Variants in RBFOX1 observed in about 807,000 individuals in gnomAD.
The protein encoded by RBFOX1 is RNA binding protein fox-1 homolog 1.
Under a neutral mutation model 57.7 loss-of-function variants are expected in RBFOX1, and 8 were observed. That is an observed-to-expected ratio of 0.14 (90% CI 0.08 to 0.25). RBFOX1 has a LOEUF of 0.25. Ranked by LOEUF, RBFOX1 falls within the 10% of genes least tolerant of loss-of-function variation. The pLI, the probability that RBFOX1 is intolerant of heterozygous loss-of-function variation, is 1.00. For missense variants in RBFOX1, 611 were observed against 548.5 expected, an observed-to-expected ratio of 1.11 and a Z score of -1.14; for synonymous variants, 326 against 222.4, an observed-to-expected ratio of 1.47 and a Z score of -4.15.
At chr16:6,891,605 C>T (rs1050710796) in intron 3 of RBFOX1, among the ~76,000 whole-genome samples, 2 of 152,158 alleles carry the variant, frequency 1.3e-5, no homozygotes, top group African/African-American at 4.8e-5. Context: ...ACCATTGTTC[C>T]AAATCACTGA....
intron 1 of RBFOX1, among the ~76,000 whole-genome samples, chr16:5,417,407 C>T (rs78063384): frequency 0.03 from 4,589 of 152,200 alleles, 79 homozygotes; most frequent in South Asian, 0.041. Flanking sequence ...TTTCTTCCAC[C>T]GAGGGAGTAG....
intron 1 of RBFOX1, among the ~76,000 whole-genome samples, chr16:5,350,791 G>C (rs945135561): frequency 1.3e-5 from 2 of 152,152 alleles, no homozygotes; most frequent in East Asian, 1.9e-4. Flanking sequence ...ACTTGAACCC[G>C]GAGGCGGAGG....
intron 1 of RBFOX1, among the ~76,000 whole-genome samples, chr16:5,410,176 C>T (rs2066981286): frequency 6.6e-6 from 1 of 151,240 alleles, no homozygotes. Context: ...CCAGCCTGGG[C>T]AACATTGCAA....
At chr16:7,202,301 A>T (rs1407205566) in intron 4 of RBFOX1, among the ~76,000 whole-genome samples, 1 of 145,976 alleles carries the variant, frequency 6.9e-6, no homozygotes, top group Non-Finnish European at 1.5e-5. Flanking sequence ...CTGCAAATAA[A>T]AAAAAAAAAA....
intron 3 of RBFOX1, among the ~76,000 whole-genome samples, chr16:5,673,876 C>T (rs2050088316): frequency 6.6e-6 from 1 of 152,222 alleles, no homozygotes; most frequent in Non-Finnish European, 1.5e-5. Context: ...CCTGCATCAT[C>T]TGCTTCAGCC....
chr16:6,484,709 C>G (rs556758941), intron 2 of RBFOX1, among the ~76,000 whole-genome samples: 1 of 152,166 alleles, frequency 6.6e-6, no homozygotes, highest in Non-Finnish European at 1.5e-5. Context: ...GCGTTTTCCA[C>G]CTTCCTACTT....
intron 3 of RBFOX1, among the ~76,000 whole-genome samples, chr16:5,790,884 T>C (rs1262739589): frequency 1.3e-5 from 2 of 151,726 alleles, no homozygotes; most frequent in Admixed American, 6.6e-5. Context: ...GTTTTTTTTT[T>C]TTGAGACATG....
chr16:7,130,003 C>G (rs748669521), intron 4 of RBFOX1, among the ~76,000 whole-genome samples: 2 of 151,718 alleles, frequency 1.3e-5, no homozygotes, highest in Middle Eastern at 3.4e-3. Context: ...CCATCTATAC[C>G]TGGCCTCTAA....
At chr16:7,468,905 G>C (rs990402437) in intron 4 of RBFOX1, among the ~76,000 whole-genome samples, 2 of 152,018 alleles carry the variant, frequency 1.3e-5, no homozygotes, top group African/African-American at 4.8e-5. Flanking sequence ...CAGGAATTTC[G>C]GGTCTTGAGC....
At chr16:5,846,522 A>C (rs4238865) in intron 3 of RBFOX1, among the ~76,000 whole-genome samples, 1 of 152,152 alleles carries the variant, frequency 6.6e-6, no homozygotes, top group African/African-American at 2.4e-5. Flanking sequence ...TCTTCCCCCA[A>C]CTGGGTAGAT....
At position 7,227,844 on chromosome 16, in the gene RBFOX1, C is replaced by G. The variant is rs147185115; in HGVS notation, c.27+175746C>G. Among the ~76,000 whole-genome samples the G allele has an allele frequency of 2.6e-3, 394 of 152,326 alleles. 2 individuals are homozygous for G. The highest frequency in any genetic ancestry group is 9.3e-3 in the African/African-American group (386 of 41,580). ...GTGGGTAAGCCCACGGTGATGATGA[C>G]TTCTGTACTGGCTGTTTTTACTCCT... On this transcript the variant is annotated intron_variant, in intron 4 of 15. Coordinates refer to ENST00000550418, the MANE Select transcript of RBFOX1 (RefSeq NM_018723.4).
At chr16:6,865,438 C>T (rs557406068) in intron 3 of RBFOX1, among the ~76,000 whole-genome samples, 8 of 151,996 alleles carry the variant, frequency 5.3e-5, no homozygotes, top group Non-Finnish European at 1.0e-4. Flanking sequence ...TAGTGTGTGC[C>T]ATGGGGATAT....
At chr16:6,465,493 C>G (rs2153071026) in intron 2 of RBFOX1, among the ~76,000 whole-genome samples, 1 of 152,214 alleles carries the variant, frequency 6.6e-6, no homozygotes, top group Non-Finnish European at 1.5e-5. Flanking sequence ...TGGGTTCCTA[C>G]AGCTCAATTT....
At chr16:5,856,192 T>TACAC (rs1445662687) in intron 3 of RBFOX1, among the ~76,000 whole-genome samples, 1 of 56,182 alleles carries the variant, frequency 1.8e-5, no homozygotes, top group African/African-American at 5.4e-5. Context: ...TCTCTCTATA[T>TACAC]ATATATATAT....
At chr16:5,625,299 A>G (rs1024142788) in intron 3 of RBFOX1, among the ~76,000 whole-genome samples, 14 of 152,010 alleles carry the variant, frequency 9.2e-5, no homozygotes, top group South Asian at 4.2e-4. Context: ...GAATGATGCA[A>G]TGGAGTCTCT....
At chr16:6,372,857 T>G (rs1202547539) in intron 2 of RBFOX1, among the ~76,000 whole-genome samples, 65 of 94,130 alleles carry the variant, frequency 6.9e-4, no homozygotes, top group Middle Eastern at 0.011. Context: ...TGGGTAGGAG[T>G]ACGGTCGGGT....
At chr16:5,810,726 A>G (rs1473891950) in intron 3 of RBFOX1, among the ~76,000 whole-genome samples, 1 of 152,218 alleles carries the variant, frequency 6.6e-6, no homozygotes, top group Admixed American at 6.5e-5. Context: ...ATTTGGGACT[A>G]AGACCTCATA....
At chr16:6,709,754 T>C in intron 3 of RBFOX1, among the ~76,000 whole-genome samples, 1 of 152,138 alleles carries the variant, frequency 6.6e-6, no homozygotes, top group East Asian at 1.9e-4. Context: ...GTGGGTTTGA[T>C]TCCCTCTAAA....
At chr16:5,956,672 A>ATTTTTTTTTT (rs1309859075) in intron 4 of RBFOX1, among the ~76,000 whole-genome samples, 22 of 78,372 alleles carry the variant, frequency 2.8e-4, no homozygotes, top group East Asian at 1.7e-3. Context: ...ATATATATAT[A>ATTTTTTTTTT]TATATATTTT....
Sources: allele counts gnomAD v4.1 joint callset (sites outside exome capture counted in the v4.1 genomes callset), GRCh38; gene constraint gnomAD v4.1.1; transcripts MANE v1.5; gene names NCBI Gene and HGNC (gene_info 2026-07-23, HGNC 2026-07-21).